The following SLC23A2 variants were observed in gnomAD, a reference collection of about 807,000 sequenced individuals.
The protein encoded by SLC23A2 is Na(+)/L-ascorbic acid transporter 2.
Under a neutral mutation model 73.3 loss-of-function variants are expected in SLC23A2, and 36 were observed. The observed-to-expected ratio is 0.49, with a 90% CI of 0.38 to 0.65. SLC23A2 has a LOEUF of 0.65. SLC23A2 is among the 30% of genes least tolerant of loss of function. The pLI is 0.00. For missense variants in SLC23A2, 507 were observed against 841.6 expected (o/e 0.60, Z 4.92); for synonymous variants, 343 against 327.3 (o/e 1.05, Z -0.52).
At chr20:4,941,833 A>C (rs2087047327) in intron 2 of SLC23A2, among the ~76,000 whole-genome samples, 1 of 152,222 alleles carries the variant, frequency 6.6e-6, no homozygotes. Context: ...TCATAAGTGA[A>C]AAGAATTAAA....
chr20:4,945,131 A>G (rs775150025), intron 2 of SLC23A2, among the ~76,000 whole-genome samples: 13 of 152,140 alleles, frequency 8.5e-5, no homozygotes, highest in Non-Finnish European at 1.6e-4. Context: ...TCCTAGCTAT[A>G]ATTATTCCAT....
In SLC23A2 at chr20:4,869,913, T is replaced by C. The variant is rs1568603388; in HGVS notation, c.1243A>G (p.Ile415Val). The C allele has an allele frequency of 1.3e-6, 2 of 1,597,096 alleles. No individual in the cohort carries two copies. Among genetic ancestry groups the C allele is most frequent in the Non-Finnish European group, 1.7e-6 (2 of 1,168,690 alleles). Residue 415 changes from isoleucine to valine, a missense_variant, in exon 12 of 17, where the codon ATA becomes GTA. By Grantham distance (29) the Ile-to-Val change is conservative (BLOSUM62 3). This residue lies in a region of SLC23A2 where 27 missense variants were observed against 18.2 expected (regional missense o/e 1.48). Transcript: ENST00000338244. ...GTCTTCTCAGGAACGTACCTGTTTA[T>C]TGCGTGGATGGGGGGGGGTGGGGCA... The part of the protein sequence containing the change: ...SCAPPPPIHA[I>V]NRGIFVEGLS...
intron 9 of SLC23A2, among the ~76,000 whole-genome samples, chr20:4,876,018 C>T (rs570879520): frequency 2.0e-5 from 3 of 152,248 alleles, no homozygotes; most frequent in South Asian, 2.1e-4. Flanking sequence ...TCAGGCGCTT[C>T]GGTGAACTGG....
chr20:5,006,206 T>C (rs2088189225), upstream of SLC23A2, among the ~76,000 whole-genome samples: 1 of 151,702 alleles, frequency 6.6e-6, no homozygotes, highest in Non-Finnish European at 1.5e-5. Flanking sequence ...CAAGCGGTTC[T>C]CCTGCCTCAG....
chr20:4,954,462 C>T (rs1488821195), intron 2 of SLC23A2, among the ~76,000 whole-genome samples: 2 of 151,980 alleles, frequency 1.3e-5, no homozygotes, highest in African/African-American at 4.8e-5. Flanking sequence ...TTTAGGAGGC[C>T]AAGGCAGGTG....
chr20:4,992,603 C>A (rs1019374531), intron 1 of SLC23A2, among the ~76,000 whole-genome samples: 1 of 149,722 alleles, frequency 6.7e-6, no homozygotes, highest in South Asian at 2.1e-4. Context: ...CTCCACCTCC[C>A]GGGTTCGAGT....
chr20:4,993,410 G>GA lies in SLC23A2; in HGVS notation c.-282+7995dup, dbSNP rs3055956. ...GTATAGTGCAAATATGCCAAAATCCGAAAAAAAAAAAAGAAAAAAAGAAAC... is the reference window on the plus strand; with the variant it reads ...GTATAGTGCAAATATGCCAAAATCCGAAAAAAAAAAAAAGAAAAAAAGAAAC... On this transcript the variant is annotated intron_variant, in intron 1 of 16. Transcript: ENST00000338244. Among the ~76,000 whole-genome samples the GA allele has an allele frequency of 8.2e-3, 1,001 of 121,448 alleles. 18 individuals carry two copies. Among genetic ancestry groups the GA allele is most frequent in the African/African-American group, 0.027 (905 of 32,968 alleles). The allele number at this position is 121,448 out of a possible 152,430, so 79.7% of individuals were successfully genotyped here. A position where few individuals can be genotyped will look rare whatever the true frequency, so the allele number is the denominator to read the frequency against.
At chr20:4,961,115 T>TC (rs2087376666) in intron 2 of SLC23A2, among the ~76,000 whole-genome samples, 1 of 148,986 alleles carries the variant, frequency 6.7e-6, no homozygotes, top group African/African-American at 2.5e-5. Context: ...TTTTCTTTTT[T>TC]TTTTTTTTTT....
Position 4,870,055 on chromosome 20 carries a change from T to C in SLC23A2, c.1103-2A>G. ...ACACGGTGGGCAGTCCCCACTGAACTGTGGGAGGAAAACAACCATGAATGC... is the reference window on the plus strand; with the variant it reads ...ACACGGTGGGCAGTCCCCACTGAACCGTGGGAGGAAAACAACCATGAATGC... On this transcript the variant is annotated splice_acceptor_variant, in intron 11 of 16. Coordinates refer to ENST00000338244, the MANE Select transcript of SLC23A2 (RefSeq NM_005116.6). LOFTEE classifies it high-confidence loss of function. The C allele has an allele frequency of 1.3e-6, 2 of 1,590,422 alleles. No homozygotes were observed. Among genetic ancestry groups the C allele is most frequent in the Non-Finnish European group, 1.7e-6 (2 of 1,168,244 alleles).
chr20:4,932,419 A>C, intron 3 of SLC23A2, 36 bp downstream of exon 3: 6 of 1,156,754 alleles, frequency 5.2e-6, no homozygotes, highest in African/African-American at 1.5e-5. Flanking sequence ...ACTACTTTCA[A>C]GAGATTTAAG....
At chr20:4,971,162 G>C (rs1345096492) in intron 1 of SLC23A2, among the ~76,000 whole-genome samples, 1 of 151,894 alleles carries the variant, frequency 6.6e-6, no homozygotes, top group Non-Finnish European at 1.5e-5. Context: ...TAGTATTTTA[G>C]AACACCTATA....
Position 4,959,818 on chromosome 20 carries a change from C to G in SLC23A2, c.-155+10975G>C, listed in dbSNP as rs191682034. Among the ~76,000 whole-genome samples, 367 of 152,294 alleles carry G rather than the reference C, an allele frequency of 2.4e-3. 1 individual carries two copies. The highest frequency in any genetic ancestry group is 6.8e-3 in the Middle Eastern group (2 of 294). ...TTATTTTTAGACACAGGGTCTCTCT[C>G]TGTCACGTAGGCAGGATTACAGTGG... On this transcript the variant is annotated intron_variant, in intron 2 of 16. Coordinates refer to ENST00000338244, the MANE Select transcript of SLC23A2 (RefSeq NM_005116.6).
chr20:5,008,629 C>T (rs1600227034), intron 1 of SLC23A2, among the ~76,000 whole-genome samples: 1 of 152,142 alleles, frequency 6.6e-6, no homozygotes, highest in East Asian at 1.9e-4. Flanking sequence ...TTCCTCATCC[C>T]CCACCTCCCC....
rs2087137066 is a variant in SLC23A2, at chr20:4,947,577, A to G, written c.-154-14861T>C. 6.6e-6 allele frequency among the ~76,000 whole-genome samples: 1 copy of G among 152,184 alleles called. No individual in the cohort carries two copies. The highest frequency in any genetic ancestry group is 2.1e-4 in the South Asian group (1 of 4,832). Reference sequence around the variant, plus strand: ...GAACTATCAAGTCCCAGGCACAAACATGGTTTCACTTAGCCCTTATAAAAA... The same window carrying G: ...GAACTATCAAGTCCCAGGCACAAACGTGGTTTCACTTAGCCCTTATAAAAA... On this transcript the variant is annotated intron_variant, in intron 2 of 16. Transcript: ENST00000338244. The surrounding 1 kb of genome is among the most constrained non-coding windows in gnomAD (Gnocchi z 4.4).
At position 4,874,579 on chromosome 20, in the gene SLC23A2, G is replaced by A. The variant is rs1340447852; in HGVS notation, c.942C>T (p.Phe314=). ...TAYKLQLFKM[F]PIILAILVSW... is the part of the protein sequence containing the mutation. ...GGGGAAGAAGTCAGCTACTCACAGG[G>A]AACATTTTGAACAGCTGTAACTTGT... is the stretch of plus-strand genomic sequence containing the variant. Residue 314 remains phenylalanine, a synonymous_variant, in exon 10 of 17, where the codon TTC becomes TTT. Coordinates refer to ENST00000338244, the MANE Select transcript of SLC23A2 (RefSeq NM_005116.6). The A allele has an allele frequency of 1.3e-6, 2 of 1,590,946 alleles. No individual in the cohort carries two copies. Among genetic ancestry groups the A allele is most frequent in the Non-Finnish European group, 1.7e-6 (2 of 1,169,834 alleles).
chr20:4,953,637 T>C (rs965390184), intron 2 of SLC23A2, among the ~76,000 whole-genome samples: 29 of 152,064 alleles, frequency 1.9e-4, no homozygotes, highest in Admixed American at 6.5e-5. Context: ...GTCTGTAATC[T>C]TAGCACTTTG....
chr20:4,874,311 G>A (rs765028829), intron 10 of SLC23A2, among the ~76,000 whole-genome samples: 9 of 152,300 alleles, frequency 5.9e-5, no homozygotes, highest in Middle Eastern at 3.4e-3. Context: ...AATGGACATC[G>A]TGCCTGCAGA....
At chr20:4,981,425 A>T (rs951721619) in intron 1 of SLC23A2, among the ~76,000 whole-genome samples, 3 of 152,204 alleles carry the variant, frequency 2.0e-5, no homozygotes, top group African/African-American at 7.2e-5. Flanking sequence ...ATTTATAGCA[A>T]TGGTGCTCAG....
At chr20:4,953,749 T>TCCC (rs2087239246) in intron 2 of SLC23A2, among the ~76,000 whole-genome samples, 1 of 151,816 alleles carries the variant, frequency 6.6e-6, no homozygotes, top group Admixed American at 6.6e-5. Context: ...ATTAGCTGAG[T>TCCC]GTGGTGGCGC....
Sources: allele counts gnomAD v4.1 joint callset (sites outside exome capture counted in the v4.1 genomes callset), GRCh38; gene constraint gnomAD v4.1.1; regional missense constraint gnomAD v4.1.1; non-coding constraint Gnocchi (gnomAD v3.1); transcripts MANE v1.5; gene names NCBI Gene and HGNC (gene_info 2026-07-23, HGNC 2026-07-21).